Variants in CCDC148 observed in about 807,000 individuals in gnomAD.
The protein encoded by CCDC148 is coiled-coil domain containing 148.
A neutral mutation model predicts 85.7 loss-of-function variants in CCDC148; 89 were observed. The observed-to-expected ratio is 1.04, with a 90% CI of 0.87 to 1.24. CCDC148 has a LOEUF of 1.24. CCDC148 is among the 50% of genes most tolerant of loss of function. The probability of loss-of-function intolerance (pLI) is 0.00; values close to 1 mark genes in which losing one functional copy is unlikely to be tolerated. For missense variants in CCDC148, 692 were observed against 671.7 expected, an observed-to-expected ratio of 1.03 and a Z score of -0.33; for synonymous variants, 230 against 213.9, an observed-to-expected ratio of 1.08 and a Z score of -0.66.
chr2:158,399,499 C>T (rs921991313), intron 1 of CCDC148, among the ~76,000 whole-genome samples: 1 of 152,112 alleles, frequency 6.6e-6, no homozygotes. Flanking sequence ...TGTAATCCAT[C>T]ACATAAACAG....
intron 11 of CCDC148, among the ~76,000 whole-genome samples, chr2:158,196,189 G>A (rs1307975970): frequency 1.3e-5 from 2 of 151,924 alleles, no homozygotes; most frequent in African/African-American, 4.8e-5. Context: ...AAAAACAAAG[G>A]TAACAAATAC....
intron 1 of CCDC148, among the ~76,000 whole-genome samples, chr2:158,430,077 C>T (rs1049790839): frequency 2.6e-5 from 4 of 151,966 alleles, no homozygotes; most frequent in Admixed American, 2.0e-4. Context: ...TGTGCGGAGA[C>T]GAAAGTAGTA....
chr2:158,241,928 ATTTG>A (rs1688367776), intron 10 of CCDC148, among the ~76,000 whole-genome samples: 1 of 152,164 alleles, frequency 6.6e-6, no homozygotes, highest in African/African-American at 2.4e-5. Context: ...TATATGTTTT[ATTTG>A]TTTGAACTAT....
intron 11 of CCDC148, among the ~76,000 whole-genome samples, chr2:158,217,391 T>TACAC (rs1277632149): frequency 2.0e-5 from 2 of 98,862 alleles, no homozygotes; most frequent in African/African-American, 6.1e-5. Context: ...TATATATATA[T>TACAC]ATACACACAC....
chr2:158,385,696 T>C (rs140240264), intron 1 of CCDC148, among the ~76,000 whole-genome samples: 2 of 152,278 alleles, frequency 1.3e-5, no homozygotes, highest in East Asian at 3.9e-4. Flanking sequence ...TAAGCTTCTG[T>C]GGCATGTCAT....
chr2:158,175,494 C>T (rs1684535972), intron 13 of CCDC148, among the ~76,000 whole-genome samples: 1 of 151,874 alleles, frequency 6.6e-6, no homozygotes, highest in African/African-American at 2.4e-5. Flanking sequence ...TAGGGCAACC[C>T]TTAGACATTC....
At chr2:158,352,405 A>G (rs1683363068) in intron 2 of CCDC148, among the ~76,000 whole-genome samples, 1 of 152,248 alleles carries the variant, frequency 6.6e-6, no homozygotes, top group African/African-American at 2.4e-5. Flanking sequence ...CTGAAAACCA[A>G]GGCTCGAGAA....
In CCDC148 at chr2:158,172,220, G is replaced by C; in HGVS notation, c.1669C>G (p.Arg557Gly). 1 of 1,607,752 alleles carries C rather than the reference G, an allele frequency of 6.2e-7. No individual in the cohort carries two copies. The highest frequency in any genetic ancestry group is 8.5e-7 in the Non-Finnish European group (1 of 1,177,022). The part of the protein sequence containing the change: ...DPRLRFELAL[R>G]EAGLHRTLYA... ...AGTGTTCTATGAAGTCCAGCTTCTC[G>C]AAGTGCTAACTCGAAGCGAAGTCTA... Residue 557 changes from arginine (R) to glycine (G), a missense_variant, in exon 14 of 14, where the codon CGA (arginine) becomes GGA (glycine). Coordinates refer to ENST00000283233, the MANE Select transcript of CCDC148 (RefSeq NM_138803.4).
chr2:158,269,224 C>T (rs1380971745), intron 9 of CCDC148, among the ~76,000 whole-genome samples: 1 of 152,134 alleles, frequency 6.6e-6, no homozygotes, highest in South Asian at 2.1e-4. Context: ...CACTGACGCT[C>T]ATTCTCTCTT....
intron 9 of CCDC148, among the ~76,000 whole-genome samples, chr2:158,273,134 T>A (rs959095912): frequency 1.3e-5 from 2 of 152,140 alleles, no homozygotes; most frequent in Non-Finnish European, 2.9e-5. Context: ...CTACAAATTA[T>A]GATTTAGATG....
intron 9 of CCDC148, among the ~76,000 whole-genome samples, chr2:158,308,813 CT>C (rs1233784211): frequency 6.6e-6 from 1 of 152,186 alleles, no homozygotes; most frequent in Non-Finnish European, 1.5e-5. Flanking sequence ...AGTTCTGCCA[CT>C]AAAGCAGCTC....
At chr2:158,415,007 G>A (rs1385089640) in intron 1 of CCDC148, among the ~76,000 whole-genome samples, 2 of 152,022 alleles carry the variant, frequency 1.3e-5, no homozygotes, top group Non-Finnish European at 2.9e-5. Context: ...AATTAGCAAT[G>A]ATTTGGTATG....
At chr2:158,371,903 A>G (rs1198497392) in intron 1 of CCDC148, among the ~76,000 whole-genome samples, 1 of 151,986 alleles carries the variant, frequency 6.6e-6, no homozygotes, top group Non-Finnish European at 1.5e-5. Flanking sequence ...TAGTCAACCT[A>G]TATGATTTTC....
chr2:158,392,538 A>G (rs1043214645), intron 1 of CCDC148, among the ~76,000 whole-genome samples: 4 of 152,116 alleles, frequency 2.6e-5, no homozygotes, highest in African/African-American at 4.8e-5. Context: ...ACTGGTAAGC[A>G]TAATGCAAAC....
intron 9 of CCDC148, among the ~76,000 whole-genome samples, chr2:158,285,288 CAAA>C (rs536016379): frequency 3.1e-5 from 3 of 96,216 alleles, no homozygotes; most frequent in South Asian, 3.7e-4. Context: ...AACTCCATTT[CAAA>C]AAAAAAAAAA....
intron 9 of CCDC148, among the ~76,000 whole-genome samples, chr2:158,265,569 T>C (rs1275079716): frequency 6.6e-6 from 1 of 152,156 alleles, no homozygotes; most frequent in Admixed American, 6.6e-5. Flanking sequence ...TATAAGTATA[T>C]TTTAAAGAGT....
chr2:158,205,747 C>G (rs1574398573), intron 11 of CCDC148, among the ~76,000 whole-genome samples: 1 of 152,148 alleles, frequency 6.6e-6, no homozygotes, highest in African/African-American at 2.4e-5. Context: ...GTGATCTGAA[C>G]AGCTAACAGT....
At chr2:158,400,243 A>C (rs1200460536) in intron 1 of CCDC148, among the ~76,000 whole-genome samples, 2 of 152,208 alleles carry the variant, frequency 1.3e-5, no homozygotes, top group Non-Finnish European at 2.9e-5. Context: ...AAGAGCCCAC[A>C]TAGCCAAGAA....
chr2:158,366,960 C>T (rs1305467239), intron 1 of CCDC148, among the ~76,000 whole-genome samples: 1 of 152,104 alleles, frequency 6.6e-6, no homozygotes, highest in African/African-American at 2.4e-5. Flanking sequence ...AGTTAAGGTC[C>T]ATGACTTTTG....
Sources: allele counts gnomAD v4.1 joint callset (sites outside exome capture counted in the v4.1 genomes callset), GRCh38; gene constraint gnomAD v4.1.1; transcripts MANE v1.5; gene names NCBI Gene and HGNC (gene_info 2026-07-23, HGNC 2026-07-21).